The following MTCL2 variants were observed in gnomAD, a reference collection of about 807,000 sequenced individuals.
The protein encoded by MTCL2 is microtubule cross-linking factor 2.
the MTCL2 span, among the ~76,000 whole-genome samples, chr20:36,858,087 G>A: frequency 7.2e-5 from 11 of 152,122 alleles, no homozygotes; most frequent in African/African-American, 1.4e-4. Context: ...GCCTAGACAC[G>A]CTAGTTAACA....
chr20:36,794,573 T>A, the MTCL2 span: 1 of 1,613,890 alleles, frequency 6.2e-7, no homozygotes, highest in Non-Finnish European at 8.5e-7. The surrounding 1 kb of genome is among the most constrained non-coding windows in gnomAD (Gnocchi z 5.4). Context: ...ACTTTCAAAC[T>A]CAGACATGGA....
At chr20:36,796,897 C>T in the MTCL2 span, 9 of 1,613,822 alleles carry the variant, frequency 5.6e-6, no homozygotes, top group Non-Finnish European at 6.8e-6. Context: ...TAAACCATTT[C>T]CTCCAAGCTC....
At chr20:36,808,777 G>A in the MTCL2 span, 39 of 1,534,042 alleles carry the variant, frequency 2.5e-5, no homozygotes, top group African/African-American at 5.1e-4. Context: ...CAACCCCAGG[G>A]CCCTGTCCTC....
the MTCL2 span, chr20:36,780,665 G>A: frequency 6.6e-6 from 1 of 152,228 alleles, no homozygotes; most frequent in Non-Finnish European, 1.5e-5. Context: ...CGCAGGCACA[G>A]TGTTGCAGTT....
At chr20:36,839,230 T>G in the MTCL2 span, 2 of 1,600,100 alleles carry the variant, frequency 1.2e-6, no homozygotes, top group Non-Finnish European at 1.7e-6. The surrounding 1 kb of genome is among the most constrained non-coding windows in gnomAD (Gnocchi z 5.1). Flanking sequence ...GACATCCTGC[T>G]CCAGACCACG....
chr20:36,835,730 G>A, the MTCL2 span, among the ~76,000 whole-genome samples: 1 of 152,104 alleles, frequency 6.6e-6, no homozygotes, highest in Non-Finnish European at 1.5e-5. Context: ...CTGCAGCGTG[G>A]GGAGAGGAGG....
chr20:36,815,948 G>A, the MTCL2 span: 12 of 1,612,876 alleles, frequency 7.4e-6, no homozygotes, highest in African/African-American at 6.7e-5. This position sits in a 1 kb window ranked among gnomAD's most constrained non-coding sequence, Gnocchi z 5.3. Flanking sequence ...CACCCAGCGC[G>A]GAGAAGGCCA....
At chr20:36,790,735 C>G in the MTCL2 span, among the ~76,000 whole-genome samples, 1 of 150,004 alleles carries the variant, frequency 6.7e-6, no homozygotes, top group Non-Finnish European at 1.5e-5. Context: ...CCATGCCTGG[C>G]CTCTTTTTTT....
the MTCL2 span, among the ~76,000 whole-genome samples, chr20:36,857,151 G>A: frequency 0.012 from 1,898 of 152,282 alleles, 25 homozygotes; most frequent in African/African-American, 0.041. Context: ...TGTGTATAAC[G>A]TCTGTGTGGG....
At chr20:36,842,309 G>A in the MTCL2 span, among the ~76,000 whole-genome samples, 6 of 152,164 alleles carry the variant, frequency 3.9e-5, no homozygotes, top group South Asian at 2.1e-4. Flanking sequence ...AAAGACATAC[G>A]AATGTGCAAC....
At chr20:36,797,465 G>C in the MTCL2 span, 1 of 1,549,130 alleles carries the variant, frequency 6.5e-7, no homozygotes, top group South Asian at 1.2e-5. Context: ...GGTGCAGCCA[G>C]GAGCCAAGAT....
the MTCL2 span, chr20:36,815,943 A>G: frequency 1.2e-5 from 19 of 1,612,774 alleles, no homozygotes; most frequent in Non-Finnish European, 1.4e-5. This position sits in a 1 kb window ranked among gnomAD's most constrained non-coding sequence, Gnocchi z 5.3. Context: ...TCCGCCACCC[A>G]GCGCGGAGAA....
At chr20:36,780,926 T>C in the MTCL2 span, 1 of 152,202 alleles carries the variant, frequency 6.6e-6, no homozygotes, top group South Asian at 2.1e-4. Context: ...GGGGCCAACA[T>C]GCTTGCTTCC....
the MTCL2 span, chr20:36,797,092 G>T: frequency 3.8e-6 from 3 of 782,714 alleles, no homozygotes; most frequent in Non-Finnish European, 2.2e-6. Flanking sequence ...ATCTAGCATG[G>T]TCAGTTTCTG....
At chr20:36,841,874 G>GGGGGTGTGTGTGTGT in the MTCL2 span, among the ~76,000 whole-genome samples, 7 of 110,768 alleles carry the variant, frequency 6.3e-5, no homozygotes, top group African/African-American at 2.3e-4. Flanking sequence ...TGGGGGGTGG[G>GGGGGTGTGTGTGTGT]GTGTGTGTGT....
chr20:36,826,630 T>G, the MTCL2 span, among the ~76,000 whole-genome samples: 1 of 151,618 alleles, frequency 6.6e-6, no homozygotes, highest in Admixed American at 6.6e-5. Context: ...TGCCCACCTC[T>G]GCCTCCCAGA....
chr20:36,833,961 G>A, the MTCL2 span, among the ~76,000 whole-genome samples: 8 of 152,132 alleles, frequency 5.3e-5, no homozygotes, highest in Admixed American at 3.3e-4. Context: ...TCAGGAGTTC[G>A]AGACCAGACC....
chr20:36,793,251 C>T, the MTCL2 span: 1 of 1,550,562 alleles, frequency 6.4e-7, no homozygotes, highest in Non-Finnish European at 8.7e-7. This position sits in a 1 kb window ranked among gnomAD's most constrained non-coding sequence, Gnocchi z 6.8. Context: ...CCACCTACCT[C>T]ATTGGGAAGG....
At chr20:36,862,128 C>T in the MTCL2 span, among the ~76,000 whole-genome samples, 1 of 152,228 alleles carries the variant, frequency 6.6e-6, no homozygotes, top group Non-Finnish European at 1.5e-5. Context: ...GGGGATGTTC[C>T]CAGATGTCAT....
Sources: allele counts gnomAD v4.1 joint callset (sites outside exome capture counted in the v4.1 genomes callset), GRCh38; gene constraint gnomAD v4.1.1; non-coding constraint Gnocchi (gnomAD v3.1); transcripts MANE v1.5; gene names NCBI Gene and HGNC (gene_info 2026-07-23, HGNC 2026-07-21).